Variants in VPS13D observed in about 807,000 individuals in gnomAD.
The protein encoded by VPS13D is vacuolar protein sorting 13 homolog D, also known as intermembrane lipid transfer protein VPS13D.
VPS13D carries 187 observed loss-of-function variants against 461.9 expected under a neutral mutation model. The ratio of observed to expected loss-of-function variants is 0.40; its 90% CI spans 0.36 to 0.46. VPS13D has a LOEUF of 0.46. Among genes scored for constraint, VPS13D ranks in the 20% least tolerant of loss-of-function variants. The probability of loss-of-function intolerance (pLI) is 0.60; values close to 1 mark genes in which losing one functional copy is unlikely to be tolerated. For missense variants in VPS13D, 4,711 were observed against 5,364.9 expected, an observed-to-expected ratio of 0.88 and a Z score of 3.81; for synonymous variants, 1,951 against 1,986.3, an observed-to-expected ratio of 0.98 and a Z score of 0.47.
chr1:12,486,794 T>TCTGGCTCCC (rs1645803189), intron 67 of VPS13D, among the ~76,000 whole-genome samples: 1 of 152,204 alleles, frequency 6.6e-6, no homozygotes, highest in South Asian at 2.1e-4. Flanking sequence ...AAGCAGCACG[T>TCTGGCTCCC]CTGGCTCCCC....
At chr1:12,326,321 A>ATTTTTTTTTTT (rs763042688) in intron 35 of VPS13D, among the ~76,000 whole-genome samples, 9 of 49,282 alleles carry the variant, frequency 1.8e-4, no homozygotes, top group East Asian at 4.8e-4. Context: ...AACCTTTTGG[A>ATTTTTTTTTTT]TTTTTTTTTT....
chr1:12,378,147 A>G (rs1354504090), intron 55 of VPS13D, among the ~76,000 whole-genome samples: 1 of 152,208 alleles, frequency 6.6e-6, no homozygotes, highest in East Asian at 1.9e-4. Flanking sequence ...ATTTCTAAAA[A>G]AGGAAAAAAA....
chr1:12,315,005 T>C (rs1642851868), intron 30 of VPS13D, among the ~76,000 whole-genome samples: 1 of 152,236 alleles, frequency 6.6e-6, no homozygotes, highest in South Asian at 2.1e-4. Flanking sequence ...TTCTGGCATA[T>C]TGCTTGGCAC....
intron 55 of VPS13D, among the ~76,000 whole-genome samples, chr1:12,374,128 T>C (rs1234141678): frequency 1.3e-5 from 2 of 152,260 alleles, no homozygotes; most frequent in African/African-American, 4.8e-5. Flanking sequence ...GGGTGACTGT[T>C]AAGCAGACAA....
intron 67 of VPS13D, among the ~76,000 whole-genome samples, chr1:12,486,345 G>A (rs372571442): frequency 6.6e-6 from 1 of 152,212 alleles, no homozygotes; most frequent in African/African-American, 2.4e-5. Context: ...CTTAAAACTT[G>A]GGTCCAAAAT....
chr1:12,306,799 G>T (rs1414088514), intron 26 of VPS13D, among the ~76,000 whole-genome samples: 1 of 152,098 alleles, frequency 6.6e-6, no homozygotes, highest in African/African-American at 2.4e-5. Context: ...CTGTTCCACC[G>T]CAGATCATCA....
Position 12,270,984 on chromosome 1 carries a change from A to C in VPS13D, c.1973-10A>C. The C allele has an allele frequency of 6.2e-7, 1 of 1,613,192 alleles. No homozygotes were observed. Among genetic ancestry groups the C allele is most frequent in the Non-Finnish European group, 8.5e-7 (1 of 1,179,442 alleles). On this transcript the variant is annotated splice_polypyrimidine_tract_variant and intron_variant, in intron 16 of 69. Coordinates refer to ENST00000620676, the MANE Select transcript of VPS13D (RefSeq NM_015378.4). Reference sequence around the variant, plus strand: ...AATTCTGACTCTGCTGTGTATTTCCAACCTTGCAGGTTTTGGTTATCAGTC... The same window carrying C: ...AATTCTGACTCTGCTGTGTATTTCCCACCTTGCAGGTTTTGGTTATCAGTC...
At chr1:12,416,354 G>A (rs1296798902) in intron 64 of VPS13D, among the ~76,000 whole-genome samples, 1 of 152,164 alleles carries the variant, frequency 6.6e-6, no homozygotes, top group Non-Finnish European at 1.5e-5. Flanking sequence ...GAAAAGGAGA[G>A]TATGATGTAT....
chr1:12,311,861 A>G lies in VPS13D; in HGVS notation c.6871A>G (p.Met2291Val). 5 of 1,614,192 alleles carry G rather than the reference A, an allele frequency of 3.1e-6. 1 individual carries two copies. Among genetic ancestry groups the G allele is most frequent in the Non-Finnish European group, 4.2e-6 (5 of 1,180,002 alleles). Residue 2291 changes from methionine (M) to valine (V), a missense_variant, in exon 29 of 70, where the codon ATG becomes GTG. Physicochemically the swap from Met to Val is conservative, Grantham distance 21 (BLOSUM62 1). Coordinates refer to ENST00000620676, the MANE Select transcript of VPS13D (RefSeq NM_015378.4). ...VYTCMCFLID[M>V]VNVSLELKDP... ...CACCTGTATGTGCTTCCTCATTGAT[A>G]TGGTGAATGTAAGTCTGGAGCTTAA...
intron 13 of VPS13D, among the ~76,000 whole-genome samples, chr1:12,265,372 C>CA (rs1358504474): frequency 4.6e-5 from 7 of 152,182 alleles, no homozygotes; most frequent in Non-Finnish European, 7.4e-5. Flanking sequence ...CTCCTGGCCT[C>CA]AAACGATCCT....
At chr1:12,425,011 C>T (rs1332330989) in intron 65 of VPS13D, among the ~76,000 whole-genome samples, 2 of 152,204 alleles carry the variant, frequency 1.3e-5, no homozygotes, top group African/African-American at 2.4e-5. Context: ...TGTGGTCATG[C>T]ATCCCTTTTC....
chr1:12,262,112 G>A, intron 13 of VPS13D, 32 bp downstream of exon 13: 5 of 1,584,880 alleles, frequency 3.2e-6, no homozygotes, highest in Non-Finnish European at 4.3e-6. Flanking sequence ...ACCTGCCACT[G>A]TTGTCTCTCT....
chr1:12,491,408 A>G (rs532158790), intron 67 of VPS13D, among the ~76,000 whole-genome samples: 3 of 152,356 alleles, frequency 2.0e-5, no homozygotes, highest in African/African-American at 7.2e-5. Flanking sequence ...TGTCTTAACT[A>G]ACAGACCTAT....
chr1:12,329,402 TGGGGTTTC>T lies in VPS13D; in HGVS notation c.8198-426_8198-419del, dbSNP rs1557713077. On this transcript the variant is annotated intron_variant, in intron 36 of 69. Coordinates refer to ENST00000620676, the MANE Select transcript of VPS13D (RefSeq NM_015378.4). Reference sequence around the variant, plus strand: ...CCAGTTTTTGTATTTGTAGTAGAAATGGGGTTTCACCATGTTGGCCAGGATGGTCTCAA... The same window carrying T: ...CCAGTTTTTGTATTTGTAGTAGAAATACCATGTTGGCCAGGATGGTCTCAA... Among the ~76,000 whole-genome samples the T allele has an allele frequency of 5.3e-4, 80 of 152,154 alleles. 1 individual carries two copies. Among genetic ancestry groups the T allele is most frequent in the African/African-American group, 1.9e-3 (78 of 41,534 alleles).
chr1:12,423,797 C>T (rs1438784486), intron 65 of VPS13D, among the ~76,000 whole-genome samples: 1 of 152,166 alleles, frequency 6.6e-6, no homozygotes, highest in Non-Finnish European at 1.5e-5. Flanking sequence ...GAGAGAGGGG[C>T]CCATCTGCCT....
At chr1:12,372,172 G>T (rs1246060430) in intron 54 of VPS13D, among the ~76,000 whole-genome samples, 2 of 152,170 alleles carry the variant, frequency 1.3e-5, no homozygotes, top group African/African-American at 4.8e-5. Context: ...TCCTGCTTCA[G>T]CCTCTCTCAT....
At chr1:12,461,801 TTGTGC>T in intron 67 of VPS13D, among the ~76,000 whole-genome samples, 1 of 152,316 alleles carries the variant, frequency 6.6e-6, no homozygotes, top group East Asian at 1.9e-4. Flanking sequence ...AAAGATGATT[TTGTGC>T]TGTGAAGTTT....
At chr1:12,494,946 C>G (rs961258688) in intron 67 of VPS13D, among the ~76,000 whole-genome samples, 5 of 152,194 alleles carry the variant, frequency 3.3e-5, no homozygotes, top group Non-Finnish European at 5.9e-5. Flanking sequence ...CAGGCACTCA[C>G]TCGTTTATTC....
intron 65 of VPS13D, among the ~76,000 whole-genome samples, chr1:12,450,705 C>T (rs998169988): frequency 1.3e-5 from 2 of 152,146 alleles, no homozygotes; most frequent in African/African-American, 2.4e-5. Context: ...GTAAGTGTTC[C>T]GGGCATGTTT....
Sources: gnomAD v4.1 joint callset for allele counts (sites outside exome capture counted in the v4.1 genomes callset) on GRCh38, gnomAD v4.1.1 for gene constraint, MANE v1.5 for transcripts, NCBI Gene and HGNC (gene_info 2026-07-23, HGNC 2026-07-21) for gene names.